The following IRAG1 variants were observed in gnomAD, a reference collection of about 807,000 sequenced individuals.
IRAG1 encodes the protein IP3R-associated cGMP kinase substrate.
Under a neutral mutation model 106.2 loss-of-function variants are expected in IRAG1, and 62 were observed. That is an observed-to-expected ratio of 0.58 (90% CI 0.48 to 0.72). The LOEUF is 0.72. Ranked by LOEUF, IRAG1 falls within the 30% of genes least tolerant of loss-of-function variation. IRAG1 has a pLI of 0.00. For missense variants in IRAG1, 1,064 were observed against 1,140.7 expected (o/e 0.93, Z 0.97); for synonymous variants, 462 against 443.9 (o/e 1.04, Z -0.51).
chr11:10,674,838 C>T (rs554782992), intron 1 of IRAG1, among the ~76,000 whole-genome samples: 8 of 152,232 alleles, frequency 5.3e-5, no homozygotes, highest in South Asian at 2.1e-4. Flanking sequence ...ATCTCTTGCC[C>T]GGGTCCCTCT....
chr11:10,607,877 ACACTTACAGTCCTTGT>A (rs1179497656), intron 11 of IRAG1, among the ~76,000 whole-genome samples: 2 of 152,150 alleles, frequency 1.3e-5, no homozygotes, highest in Admixed American at 6.5e-5. Flanking sequence ...GGGATGTTTG[ACACTTACAGTCCTTGT>A]CACAACCCCA....
chr11:10,667,243 C>T (rs1024474998), intron 1 of IRAG1, among the ~76,000 whole-genome samples: 1 of 151,770 alleles, frequency 6.6e-6, no homozygotes, highest in Non-Finnish European at 1.5e-5. Context: ...CATCTCTTTT[C>T]CTCTGATCTT....
chr11:10,649,775 A>C (rs1858311405), intron 2 of IRAG1, among the ~76,000 whole-genome samples: 1 of 152,128 alleles, frequency 6.6e-6, no homozygotes, highest in Non-Finnish European at 1.5e-5. Flanking sequence ...CACAAAGTTG[A>C]GAGTAAGCGA....
At chr11:10,590,216 T>C in intron 18 of IRAG1, among the ~76,000 whole-genome samples, 1 of 152,182 alleles carries the variant, frequency 6.6e-6, no homozygotes, top group East Asian at 1.9e-4. Context: ...TAAACTCGGT[T>C]ACTTCCATGT....
chr11:10,577,128 C>CA (rs1332821715), intron 20 of IRAG1, among the ~76,000 whole-genome samples: 1 of 152,194 alleles, frequency 6.6e-6, no homozygotes, highest in Non-Finnish European at 1.5e-5. Context: ...TGATAAATGA[C>CA]AAGGGACTAG....
At chr11:10,649,496 T>A (rs1004477059) in intron 2 of IRAG1, among the ~76,000 whole-genome samples, 4 of 152,142 alleles carry the variant, frequency 2.6e-5, no homozygotes, top group African/African-American at 9.7e-5. Flanking sequence ...CAAAGTTTCT[T>A]GGCCAAGACA....
chr11:10,668,798 G>C (rs1041793284), intron 1 of IRAG1, among the ~76,000 whole-genome samples: 1 of 152,162 alleles, frequency 6.6e-6, no homozygotes, highest in Non-Finnish European at 1.5e-5. Flanking sequence ...ATTAGGGCTT[G>C]GTATATGTTA....
At chr11:10,655,452 G>T (rs566666109) in intron 1 of IRAG1, among the ~76,000 whole-genome samples, 1 of 152,116 alleles carries the variant, frequency 6.6e-6, no homozygotes, top group Admixed American at 6.5e-5. Flanking sequence ...CCAAAGAATA[G>T]ATGTCATAAC....
chr11:10,598,805 G>A (rs747874566), intron 15 of IRAG1, among the ~76,000 whole-genome samples: 13 of 152,270 alleles, frequency 8.5e-5, no homozygotes, highest in Admixed American at 5.2e-4. Flanking sequence ...CAGATAATTG[G>A]TAAATTTCAT....
chr11:10,646,292 T>C (rs1375141979), intron 2 of IRAG1, among the ~76,000 whole-genome samples: 1 of 152,258 alleles, frequency 6.6e-6, no homozygotes, highest in Non-Finnish European at 1.5e-5. Flanking sequence ...ACACAGTATG[T>C]GTTAGCTTTA....
chr11:10,594,295 G>A (rs1416298876), intron 15 of IRAG1, 100 bp from the exon 16 acceptor site: 10 of 1,133,172 alleles, frequency 8.8e-6, no homozygotes, highest in Admixed American at 2.1e-5. Context: ...GCCAGAACTG[G>A]CCCTCAAGGG....
rs1023826687 is a variant in IRAG1 at position 10,657,061 on chromosome 11, G to T, written c.68-4879C>A. Among the ~76,000 whole-genome samples the T allele has an allele frequency of 7.2e-5, 11 of 152,148 alleles. No homozygotes were observed. Among genetic ancestry groups the T allele is most frequent in the Admixed American group, 6.5e-4 (10 of 15,274 alleles). On this transcript the variant is annotated intron_variant, in intron 1 of 20. Coordinates refer to ENST00000423302, the MANE Select transcript of IRAG1 (RefSeq NM_130385.4). The surrounding 1 kb of genome is among the most constrained non-coding windows in gnomAD (Gnocchi z 4.1). ...GTAGCAGCAGGTGGAGGACGCGGAG[G>T]CCGGCCCTGCCTTGTAGGCTTCAAA...
At chr11:10,633,318 A>T (rs34522788) in intron 3 of IRAG1, among the ~76,000 whole-genome samples, 1 of 151,284 alleles carries the variant, frequency 6.6e-6, no homozygotes, top group Non-Finnish European at 1.5e-5. Flanking sequence ...CTCATGATTC[A>T]CCCGCCTTGG....
At chr11:10,675,225 G>A (rs894630301) in intron 1 of IRAG1, among the ~76,000 whole-genome samples, 4 of 152,172 alleles carry the variant, frequency 2.6e-5, no homozygotes, top group African/African-American at 9.7e-5. Context: ...CCAGTCCCCT[G>A]GGAATGTCAG....
At chr11:10,591,708 T>C in intron 17 of IRAG1, 96 bp from the exon 18 acceptor site, 1 of 1,127,504 alleles carries the variant, frequency 8.9e-7, no homozygotes, top group Non-Finnish European at 1.3e-6. Context: ...GCGGGGCTGC[T>C]GCTTCTCCTC....
At chr11:10,658,257 T>C (rs1446934325) in intron 1 of IRAG1, 1 of 152,324 alleles carries the variant, frequency 6.6e-6, no homozygotes, top group African/African-American at 2.4e-5. Context: ...CTTCCTAACC[T>C]TGGCCTGCTC....
intron 1 of IRAG1, among the ~76,000 whole-genome samples, chr11:10,692,830 C>G (rs926712276): frequency 6.6e-6 from 1 of 152,184 alleles, no homozygotes; most frequent in Non-Finnish European, 1.5e-5. Flanking sequence ...CCTCTGGCTT[C>G]CACTGGCTTT....
At chr11:10,621,277 A>G (rs1301350911) in intron 10 of IRAG1, among the ~76,000 whole-genome samples, 2 of 152,104 alleles carry the variant, frequency 1.3e-5, no homozygotes, top group Non-Finnish European at 2.9e-5. Context: ...ATGCTGAATA[A>G]ATAGGTAGGT....
At chr11:10,614,227 C>T (rs990110153) in intron 10 of IRAG1, among the ~76,000 whole-genome samples, 2 of 152,174 alleles carry the variant, frequency 1.3e-5, no homozygotes, top group Admixed American at 1.3e-4. Context: ...GCCACACATC[C>T]TGCTATTAGG....
Sources: gnomAD v4.1 joint callset for allele counts (sites outside exome capture counted in the v4.1 genomes callset) on GRCh38, gnomAD v4.1.1 for gene constraint, Gnocchi (gnomAD v3.1) non-coding constraint, MANE v1.5 for transcripts, NCBI Gene and HGNC (gene_info 2026-07-23, HGNC 2026-07-21) for gene names.